The following PLEKHA5 variants were observed in gnomAD, a reference collection of about 807,000 sequenced individuals.
The protein encoded by PLEKHA5 is pleckstrin homology domain containing A5.
A neutral mutation model predicts 181.9 loss-of-function variants in PLEKHA5; 55 were observed. That is an observed-to-expected ratio of 0.30 (90% confidence interval 0.24 to 0.38). The LOEUF (loss-of-function observed/expected upper bound fraction) is 0.38, where lower values mean the gene tolerates loss of function less well. Ranked by LOEUF, PLEKHA5 falls within the 10% of genes least tolerant of loss-of-function variation. The pLI is 1.00. For synonymous variants in PLEKHA5, 535 were observed against 529.4 expected (o/e 1.01, Z -0.15); for missense variants, 1,432 against 1,549.5 (o/e 0.92, Z 1.27).
intron 7 of PLEKHA5, among the ~76,000 whole-genome samples, chr12:19,262,397 C>T (rs1018533247): frequency 6.9e-6 from 1 of 145,014 alleles, no homozygotes; most frequent in Non-Finnish European, 1.5e-5. Context: ...CCACACTTGG[C>T]TAATTTTTTG....
chr12:19,144,655 G>A (rs374476425), intron 3 of PLEKHA5, among the ~76,000 whole-genome samples: 27 of 152,268 alleles, frequency 1.8e-4, no homozygotes, highest in Admixed American at 8.5e-4. Flanking sequence ...TCTGTTTAGC[G>A]ATAACTGTTT....
chr12:19,181,497 G>A (rs557371146), intron 3 of PLEKHA5, among the ~76,000 whole-genome samples: 22 of 152,276 alleles, frequency 1.4e-4, no homozygotes, highest in African/African-American at 5.3e-4. Flanking sequence ...CTTTAGGGCT[G>A]GGCATGGTGG....
intron 3 of PLEKHA5, among the ~76,000 whole-genome samples, chr12:19,247,708 G>A (rs2064098352): frequency 6.6e-6 from 1 of 150,802 alleles, no homozygotes; most frequent in Admixed American, 6.6e-5. Flanking sequence ...CCAAGCCCAA[G>A]CAATCTGTGT....
intron 15 of PLEKHA5, among the ~76,000 whole-genome samples, chr12:19,311,234 T>C (rs980711174): frequency 4.0e-5 from 6 of 150,928 alleles, no homozygotes; most frequent in African/African-American, 1.5e-4. Context: ...GAGACCAGCC[T>C]TGGCAACATA....
intron 3 of PLEKHA5, among the ~76,000 whole-genome samples, chr12:19,179,414 T>C (rs1420952567): frequency 6.6e-6 from 1 of 152,090 alleles, no homozygotes; most frequent in African/African-American, 2.4e-5. Context: ...CCCAGCACTT[T>C]GGGAGGCTGA....
chr12:19,194,186 G>A (rs1416986932), intron 3 of PLEKHA5, among the ~76,000 whole-genome samples: 1 of 152,194 alleles, frequency 6.6e-6, no homozygotes, highest in Admixed American at 6.5e-5. Flanking sequence ...TTATAAGTGA[G>A]AGCTGCAGTA....
At chr12:19,169,316 T>C (rs532965801) in intron 3 of PLEKHA5, among the ~76,000 whole-genome samples, 1 of 151,880 alleles carries the variant, frequency 6.6e-6, no homozygotes, top group Non-Finnish European at 1.5e-5. Context: ...TAAATTAAGT[T>C]AGTGTTGCTT....
chr12:19,348,434 G>A lies in PLEKHA5; in HGVS notation c.2934G>A (p.Glu978=). The A allele has an allele frequency of 1.3e-5, 21 of 1,584,592 alleles. No individual in the cohort carries two copies. Among genetic ancestry groups the A allele is most frequent in the Non-Finnish European group, 1.8e-5 (21 of 1,166,994 alleles). The part of the protein sequence containing the change: ...PDYRLYKSEP[E]LTTVAEVDES... ...ATAGACTCTACAAGAGTGAACCAGAGTTAACAACAGTGGCAGAAGTTGATG... is the reference window on the plus strand; with the variant it reads ...ATAGACTCTACAAGAGTGAACCAGAATTAACAACAGTGGCAGAAGTTGATG... Residue 978 remains glutamate (E), a synonymous_variant, in exon 25 of 32, where the codon GAG becomes GAA. Transcript: ENST00000429027.
At chr12:19,299,635 C>T (rs1377082864) in intron 15 of PLEKHA5, among the ~76,000 whole-genome samples, 2 of 152,208 alleles carry the variant, frequency 1.3e-5, no homozygotes, top group Admixed American at 6.5e-5. Flanking sequence ...TCCACTCTCA[C>T]ATTTGTAACA....
intron 15 of PLEKHA5, among the ~76,000 whole-genome samples, chr12:19,310,438 C>T (rs1314320253): frequency 6.6e-6 from 1 of 151,394 alleles, no homozygotes; most frequent in Non-Finnish European, 1.5e-5. Context: ...GGTGAAACCC[C>T]GTCTCTATTA....
chr12:19,244,630 T>C (rs990395764), intron 3 of PLEKHA5, among the ~76,000 whole-genome samples: 1 of 152,212 alleles, frequency 6.6e-6, no homozygotes, highest in African/African-American at 2.4e-5. Flanking sequence ...TCTTTTTCCC[T>C]TAAGGGAAAT....
At chr12:19,366,826 C>T (rs556614731) in intron 30 of PLEKHA5, among the ~76,000 whole-genome samples, 24 of 152,254 alleles carry the variant, frequency 1.6e-4, no homozygotes, top group Middle Eastern at 3.4e-3. Context: ...GCTGTTCCTT[C>T]AATTGTAGAA....
intron 12 of PLEKHA5, among the ~76,000 whole-genome samples, chr12:19,285,375 C>A (rs1351737461): frequency 6.6e-6 from 1 of 152,124 alleles, no homozygotes; most frequent in Non-Finnish European, 1.5e-5. Flanking sequence ...ATTCTCTATC[C>A]AATTCTCAAC....
chr12:19,269,653 C>T, intron 8 of PLEKHA5, 117 bp from the exon 9 acceptor site: 5 of 541,830 alleles, frequency 9.2e-6, no homozygotes, highest in South Asian at 3.0e-5. Context: ...AAAGATAAGT[C>T]TACTTTCTCT....
At chr12:19,161,214 A>C (rs1213586762) in intron 3 of PLEKHA5, among the ~76,000 whole-genome samples, 1 of 151,822 alleles carries the variant, frequency 6.6e-6, no homozygotes, top group Non-Finnish European at 1.5e-5. Flanking sequence ...TTTTTTCCCC[A>C]CTCTTTACTT....
At chr12:19,306,388 G>A (rs1209100217) in intron 15 of PLEKHA5, 2 of 493,342 alleles carry the variant, frequency 4.1e-6, no homozygotes, top group Non-Finnish European at 7.9e-6. Context: ...CCCCTCCCCC[G>A]CGGCGTGCAG....
At chr12:19,359,330 T>G in intron 27 of PLEKHA5, 82 bp from the exon 28 acceptor site, 1 of 1,253,130 alleles carries the variant, frequency 8.0e-7, no homozygotes, top group Non-Finnish European at 1.1e-6. Flanking sequence ...TTTGTTCTAT[T>G]TTGAGAATTA....
intron 21 of PLEKHA5, among the ~76,000 whole-genome samples, chr12:19,339,926 A>C (rs2093726522): frequency 6.6e-6 from 1 of 152,216 alleles, no homozygotes; most frequent in African/African-American, 2.4e-5. Flanking sequence ...TAAACAAGGA[A>C]ACATAATGTA....
At chr12:19,229,554 G>A (rs1004319048) in intron 3 of PLEKHA5, among the ~76,000 whole-genome samples, 4 of 151,900 alleles carry the variant, frequency 2.6e-5, no homozygotes, top group African/African-American at 7.3e-5. Flanking sequence ...TTGTGGTCTC[G>A]CTGGCCTCAG....
Sources: allele counts gnomAD v4.1 joint callset (sites outside exome capture counted in the v4.1 genomes callset), GRCh38; gene constraint gnomAD v4.1.1; transcripts MANE v1.5; gene names NCBI Gene and HGNC (gene_info 2026-07-23, HGNC 2026-07-21).